CDH23: variants seen among roughly 807,000 people sequenced by gnomAD.
CDH23 encodes the protein cadherin-23.
CDH23 carries 189 observed loss-of-function variants against 317.1 expected under a neutral mutation model. The ratio of observed to expected loss-of-function variants is 0.60; its 90% CI spans 0.53 to 0.67. CDH23 has a LOEUF of 0.67. CDH23 is among the 30% of genes least tolerant of loss of function. CDH23 has a pLI of 0.00. For missense variants in CDH23, 4,401 were observed against 4,592.4 expected (o/e 0.96, Z 1.20); for synonymous variants, 1,839 against 1,876.8 (o/e 0.98, Z 0.52).
At chr10:71,399,583 A>G (rs1334302509) in intron 1 of CDH23, among the ~76,000 whole-genome samples, 2 of 152,296 alleles carry the variant, frequency 1.3e-5, no homozygotes, top group Non-Finnish European at 2.9e-5. Context: ...TTAGAATAAC[A>G]TCTCAGCTTT....
chr10:71,786,488 CT>C (rs71018221), intron 44 of CDH23, among the ~76,000 whole-genome samples: 138 of 105,360 alleles, frequency 1.3e-3, no homozygotes, highest in South Asian at 2.8e-3. Context: ...GCTTCCTACT[CT>C]TTTTTTTTTT....
At chr10:71,695,612 C>A in intron 22 of CDH23, 87 bp downstream of exon 22, 1 of 909,444 alleles carries the variant, frequency 1.1e-6, no homozygotes, top group Non-Finnish European at 1.8e-6. Context: ...GGGCCTTCCC[C>A]TATGGGGCTG....
chr10:71,629,838 T>G (rs1861919413), intron 11 of CDH23, among the ~76,000 whole-genome samples: 2 of 152,230 alleles, frequency 1.3e-5, no homozygotes, highest in South Asian at 4.1e-4. Context: ...TGGGGAGTGA[T>G]GCTTAATGGG....
intron 6 of CDH23, among the ~76,000 whole-genome samples, chr10:71,550,579 A>AAAAAAAAAAAAAAAAAAAAAAAG (rs1564647432): frequency 8.3e-6 from 1 of 121,208 alleles, no homozygotes; most frequent in Non-Finnish European, 1.7e-5. Flanking sequence ...AAAAAAAAAG[A>AAAAAAAAAAAAAAAAAAAAAAAG]AAAAAGAAAA....
Position 71,732,380 on chromosome 10 carries a change from G to C in CDH23, c.4104+5G>C. The C allele has an allele frequency of 6.4e-7, 1 of 1,556,394 alleles. No individual in the cohort carries two copies. The highest frequency in any genetic ancestry group is 8.7e-7 in the Non-Finnish European group (1 of 1,149,484). On this transcript the variant is annotated splice_donor_5th_base_variant and intron_variant, in intron 32 of 69. Transcript: ENST00000224721. ...TTCAAGATAGACGCCATCACGGTGAGGGGCTGGGGGCAGGGAGCACCATTT... is the reference window on the plus strand; with the variant it reads ...TTCAAGATAGACGCCATCACGGTGACGGGCTGGGGGCAGGGAGCACCATTT...
intron 28 of CDH23, chr10:71,713,289 G>A (rs761225176): frequency 2.6e-6 from 2 of 779,370 alleles, no homozygotes; most frequent in Non-Finnish European, 4.8e-6. Context: ...ACAGCTCCAA[G>A]GCTCAGAGGG....
intron 14 of CDH23, among the ~76,000 whole-genome samples, chr10:71,674,020 T>A (rs990182791): frequency 1.3e-5 from 2 of 152,080 alleles, no homozygotes; most frequent in Admixed American, 6.5e-5. Flanking sequence ...TATAGGAGCA[T>A]AAGCTGTGGG....
intron 9 of CDH23, among the ~76,000 whole-genome samples, chr10:71,613,365 G>A (rs1386521617): frequency 3.3e-5 from 5 of 152,188 alleles, no homozygotes; most frequent in African/African-American, 1.2e-4. Context: ...CTCCATGGCT[G>A]GGAAAGGAAG....
chr10:71,515,896 C>T (rs893694461), intron 6 of CDH23, among the ~76,000 whole-genome samples: 3 of 152,140 alleles, frequency 2.0e-5, no homozygotes, highest in Admixed American at 6.5e-5. Context: ...GTATTAAATG[C>T]CATGGTAGCT....
In CDH23 at chr10:71,702,087, C is replaced by A; in HGVS notation, c.2463C>A (p.Asn821Lys). The change falls in exon 23 of 70, where the codon AAC (asparagine) becomes AAA (lysine). Residue 821 changes from asparagine (N) to lysine (K), a missense_variant. Physicochemically the swap from Asn to Lys is moderately conservative, Grantham distance 94. Transcript: ENST00000224721. ...TGGTGTACAGCATCCAGCCACCCAA[C>A]AAGTTCTACAGCCTCAACAGCACCA... The part of the protein sequence containing the change: ...GTLVYSIQPP[N>K]KFYSLNSTTG... 1 of 1,613,990 alleles carries A rather than the reference C, an allele frequency of 6.2e-7. No individual in the cohort carries two copies. Among genetic ancestry groups the A allele is most frequent in the Non-Finnish European group, 8.5e-7 (1 of 1,179,886 alleles).
chr10:71,412,283 C>G (rs541775432), intron 1 of CDH23, among the ~76,000 whole-genome samples: 1 of 152,058 alleles, frequency 6.6e-6, no homozygotes, highest in South Asian at 2.1e-4. Context: ...CTATAAATAC[C>G]TGTTTGAGTC....
At chr10:71,646,310 G>T in intron 13 of CDH23, 149 bp from the exon 14 acceptor site, 2 of 1,248,768 alleles carry the variant, frequency 1.6e-6, no homozygotes, top group Non-Finnish European at 2.2e-6. Context: ...TAACAGACGG[G>T]CTCGCAGTAG....
intron 14 of CDH23, among the ~76,000 whole-genome samples, chr10:71,663,265 G>T (rs1031082910): frequency 6.6e-6 from 1 of 152,160 alleles, no homozygotes; most frequent in African/African-American, 2.4e-5. Flanking sequence ...GGCTAGCCAT[G>T]GGGACCTGAC....
In CDH23 at chr10:71,718,461, C is replaced by T. The variant is rs112730290; in HGVS notation, c.3370-5584C>T. ...TGCCCGTCTAGCTGCCCAGGGCCTC[C>T]GCCTTTGCGGCATCAGGCCTAGAGA... On this transcript the variant is annotated intron_variant, in intron 28 of 69. Coordinates refer to ENST00000224721, the MANE Select transcript of CDH23 (RefSeq NM_022124.6). Among the ~76,000 whole-genome samples, 457 of 152,348 alleles carry T rather than the reference C, an allele frequency of 3.0e-3. 1 individual carries two copies. The highest frequency in any genetic ancestry group is 4.9e-3 in the Non-Finnish European group (335 of 68,030).
At chr10:71,474,739 G>C (rs554632581) in intron 3 of CDH23, among the ~76,000 whole-genome samples, 1 of 152,342 alleles carries the variant, frequency 6.6e-6, no homozygotes, top group East Asian at 1.9e-4. Flanking sequence ...CTTCTTAAGA[G>C]AACTTACTTG....
chr10:71,662,185 A>G (rs373415850), intron 14 of CDH23, among the ~76,000 whole-genome samples: 2 of 151,952 alleles, frequency 1.3e-5, no homozygotes, highest in Non-Finnish European at 2.9e-5. Flanking sequence ...TCGTGTGGGT[A>G]TTTAATCTAT....
At position 71,709,113 on chromosome 10, in the gene CDH23, G is replaced by A; in HGVS notation, c.3122G>A (p.Gly1041Glu). 1 of 1,613,926 alleles carries A rather than the reference G, an allele frequency of 6.2e-7. No homozygotes were observed. Among genetic ancestry groups the A allele is most frequent in the Non-Finnish European group, 8.5e-7 (1 of 1,179,898 alleles). The change falls in exon 27 of 70, where the codon GGG becomes GAG. Residue 1041 changes from glycine to glutamate, a missense_variant. This residue lies in a region of CDH23 where 3,068 missense variants were observed against 3,203.3 expected (regional missense o/e 0.96). Coordinates refer to ENST00000224721, the MANE Select transcript of CDH23 (RefSeq NM_022124.6). ...SYFITGGNVD[G>E]KFSVGYRDAV... Reference sequence around the variant, plus strand: ...TCACCCACAGGTGGCAACGTGGATGGGAAGTTCAGCGTGGGTTACCGCGAT... The same window carrying A: ...TCACCCACAGGTGGCAACGTGGATGAGAAGTTCAGCGTGGGTTACCGCGAT...
chr10:71,735,178 A>AC (rs1219522279), intron 34 of CDH23, among the ~76,000 whole-genome samples: 29 of 151,534 alleles, frequency 1.9e-4, no homozygotes, highest in Non-Finnish European at 4.4e-5. Flanking sequence ...CATAAAGGGG[A>AC]CCCCCTCCCT....
intron 6 of CDH23, among the ~76,000 whole-genome samples, chr10:71,537,953 C>T (rs147808984): frequency 0.036 from 5,456 of 152,298 alleles, 125 homozygotes; most frequent in Middle Eastern, 0.078. Context: ...TATGGTTCTC[C>T]CACTCCCTCA....
Sources: allele counts gnomAD v4.1 joint callset (sites outside exome capture counted in the v4.1 genomes callset), GRCh38; gene constraint gnomAD v4.1.1; regional missense constraint gnomAD v4.1.1; transcripts MANE v1.5; gene names NCBI Gene and HGNC (gene_info 2026-07-23, HGNC 2026-07-21).